The following ANAPC4 variants were observed in gnomAD, a reference collection of about 807,000 sequenced individuals.
ANAPC4 encodes anaphase promoting complex subunit 4.
In ANAPC4, 63 loss-of-function variants were observed where a neutral mutation model predicts 119.8. The ratio of observed to expected loss-of-function variants is 0.53; its 90% CI spans 0.43 to 0.65. ANAPC4 has a LOEUF of 0.65. Ranked by LOEUF, ANAPC4 falls within the 30% of genes least tolerant of loss-of-function variation. The pLI, the probability that ANAPC4 is intolerant of heterozygous loss-of-function variation, is 0.00. For missense variants in ANAPC4, 716 were observed against 945.1 expected (o/e 0.76, Z 3.18); for synonymous variants, 283 against 318.6 (o/e 0.89, Z 1.19).
At position 25,418,300 on chromosome 4, in the gene ANAPC4, A is replaced by G. The variant is rs767043531; in HGVS notation, c.2345A>G (p.Glu782Gly). 2.5e-6 allele frequency: 4 copies of G among 1,614,112 alleles called. No homozygotes were observed. The highest frequency in any genetic ancestry group is 1.7e-5 in the Admixed American group (1 of 60,016). The change falls in exon 29 of 29, where the codon GAG (glutamate) becomes GGG (glycine). Residue 782 changes from glutamate (E) to glycine (G), a missense_variant. Transcript: ENST00000315368. ...KEEVLSESEA[E>G]NQQAGAAALA... ...GAAGTGTTGTCGGAGTCAGAGGCAG[A>G]GAACCAACAAGCTGGTGCTGCCGCT...
intron 7 of ANAPC4, among the ~76,000 whole-genome samples, chr4:25,389,481 C>T (rs142723083): frequency 0.018 from 2,782 of 151,584 alleles, 93 homozygotes; most frequent in African/African-American, 0.064. Context: ...TTAGTAGAGA[C>T]GGGGTTTCAC....
At chr4:25,389,641 A>C (rs948827788) in intron 7 of ANAPC4, among the ~76,000 whole-genome samples, 1 of 152,164 alleles carries the variant, frequency 6.6e-6, no homozygotes, top group East Asian at 1.9e-4. Flanking sequence ...CTTAATATCT[A>C]TTATTGTTTT....
chr4:25,411,947 A>T (rs557623530), intron 21 of ANAPC4, among the ~76,000 whole-genome samples: 1 of 152,200 alleles, frequency 6.6e-6, no homozygotes, highest in Non-Finnish European at 1.5e-5. Context: ...ATAAGGATGC[A>T]GTCCCACAAG....
intron 11 of ANAPC4, among the ~76,000 whole-genome samples, 199 bp downstream of exon 11, chr4:25,394,090 G>T (rs1218996837): frequency 6.6e-6 from 1 of 152,214 alleles, no homozygotes; most frequent in African/African-American, 2.4e-5. Flanking sequence ...CTTAAGTGGG[G>T]ACAGGATTGT....
Position 25,380,449 on chromosome 4 carries a change from A to C in ANAPC4, c.205A>C (p.Thr69Pro), listed in dbSNP as rs200503614. 6.2e-7 allele frequency: 1 copy of C among 1,612,846 alleles called. No homozygotes were observed. Among genetic ancestry groups the C allele is most frequent in the Admixed American group, 1.7e-5 (1 of 59,882 alleles). ...PPNENTGKEV[T>P]CLAWRPDGKL... ...AAATGAAAATACAGGAAAGGAGGTG[A>C]CGTGTCTGGCATGGAGACCAGATGG... The change falls in exon 3 of 29, where the codon ACG becomes CCG. Residue 69 changes from threonine (T) to proline (P), a missense_variant. Thr to Pro is a conservative substitution (Grantham distance 38, BLOSUM62 -1). Transcript: ENST00000315368.
At chr4:25,403,439 A>G (rs1723086212) in intron 17 of ANAPC4, among the ~76,000 whole-genome samples, 1 of 152,198 alleles carries the variant, frequency 6.6e-6, no homozygotes, top group South Asian at 2.1e-4. Flanking sequence ...GCTCACTGAT[A>G]GTTCACATTT....
At chr4:25,414,756 A>G in intron 25 of ANAPC4, 56 bp downstream of exon 25, 2 of 1,389,324 alleles carry the variant, frequency 1.4e-6, no homozygotes, top group Non-Finnish European at 1.9e-6. Flanking sequence ...ATTTGTAAGA[A>G]TGAAGCATAC....
intron 3 of ANAPC4, 85 bp downstream of exon 3, chr4:25,380,564 T>C: frequency 3.1e-6 from 3 of 961,708 alleles, no homozygotes; most frequent in Non-Finnish European, 3.0e-6. Context: ...GATTTATTGT[T>C]CTTAGTATAC....
intron 3 of ANAPC4, among the ~76,000 whole-genome samples, chr4:25,381,919 T>G (rs1486774921): frequency 6.7e-6 from 1 of 149,860 alleles, no homozygotes. Context: ...TGCACTCCAG[T>G]GTGGGCTACA....
At position 25,397,951 on chromosome 4, in the gene ANAPC4, C is replaced by T. The variant is rs577573387; in HGVS notation, c.1214+1052C>T. On this transcript the variant is annotated intron_variant, in intron 16 of 28. Coordinates refer to ENST00000315368, the MANE Select transcript of ANAPC4 (RefSeq NM_013367.3). ...CTTTATTATTATTTATTTATTTTTG[C>T]GATGGGGTCTTTCTATGTTGCCCAG... is the stretch of plus-strand genomic sequence containing the variant. Among the ~76,000 whole-genome samples, 13 of 151,728 alleles carry T rather than the reference C, an allele frequency of 8.6e-5. No individual in the cohort carries two copies. The South Asian group carries it at 1.2e-3, about 15-fold the overall frequency.
chr4:25,378,173 TG>T (rs1345394210), intron 2 of ANAPC4, among the ~76,000 whole-genome samples: 17 of 152,236 alleles, frequency 1.1e-4, no homozygotes, highest in Non-Finnish European at 1.6e-4. Context: ...CAGCATTTCT[TG>T]TTCACATAAA....
intron 12 of ANAPC4, 125 bp downstream of exon 12, chr4:25,394,499 C>G: frequency 2.9e-6 from 3 of 1,020,094 alleles, no homozygotes; most frequent in Non-Finnish European, 4.2e-6. Context: ...TTAATTGATA[C>G]ATAATGTGTT....
chr4:25,407,394 T>C, intron 20 of ANAPC4, 141 bp downstream of exon 20: 1 of 578,550 alleles, frequency 1.7e-6, no homozygotes, highest in Non-Finnish European at 2.8e-6. Flanking sequence ...TTTTTAAACA[T>C]TTTGATCTGA....
chr4:25,388,917 A>G, intron 7 of ANAPC4, 35 bp downstream of exon 7: 1 of 1,503,286 alleles, frequency 6.7e-7, no homozygotes, highest in Non-Finnish European at 9.1e-7. Flanking sequence ...TAATTTCTTA[A>G]AGTTATTTCA....
chr4:25,389,320 G>T (rs2109117725), intron 7 of ANAPC4, among the ~76,000 whole-genome samples: 1 of 152,234 alleles, frequency 6.6e-6, no homozygotes, highest in Non-Finnish European at 1.5e-5. Context: ...CACCAGGCCT[G>T]TCTAATTTTT....
Position 25,409,800 on chromosome 4 carries a change from T to G in ANAPC4, c.1525+9T>G, listed in dbSNP as rs1307164859. On this transcript the variant is annotated intron_variant, in intron 21 of 28. Coordinates refer to ENST00000315368, the MANE Select transcript of ANAPC4 (RefSeq NM_013367.3). Reference sequence around the variant, plus strand: ...TAGCAGCCACCTTAAAGGTACTTCATGAACCAACCAGATTTTGGCCATTTT... The same window carrying G: ...TAGCAGCCACCTTAAAGGTACTTCAGGAACCAACCAGATTTTGGCCATTTT... 6.2e-7 allele frequency: 1 copy of G among 1,606,870 alleles called. No homozygotes were observed. The highest frequency in any genetic ancestry group is 8.5e-7 in the Non-Finnish European group (1 of 1,174,850).
rs1417955985 is a variant in ANAPC4 at position 25,413,683 on chromosome 4, T to C, written c.1564T>C (p.Leu522=). 1.2e-6 allele frequency: 2 copies of C among 1,613,512 alleles called. No homozygotes were observed. Among genetic ancestry groups the C allele is most frequent in the Non-Finnish European group, 1.7e-6 (2 of 1,179,754 alleles). ...LLFPYYPRKS[L]HFVKRRMENI... ...GTTTCCTTATTATCCTCGAAAATCATTGCATTTTGTGAAAAGGCGGATGGA... is the reference window on the plus strand; with the variant it reads ...GTTTCCTTATTATCCTCGAAAATCACTGCATTTTGTGAAAAGGCGGATGGA... The change falls in exon 22 of 29, where the codon TTG becomes CTG. Residue 522 remains leucine, a synonymous_variant. Coordinates refer to ENST00000315368, the MANE Select transcript of ANAPC4 (RefSeq NM_013367.3).
At position 25,407,223 on chromosome 4, in the gene ANAPC4, A is replaced by T. The variant is rs1723301655; in HGVS notation, c.1401A>T (p.Gly467=). The T allele has an allele frequency of 6.2e-7, 1 of 1,608,722 alleles. No individual in the cohort carries two copies. Among genetic ancestry groups the T allele is most frequent in the African/African-American group, 1.3e-5 (1 of 74,470 alleles). ...NEAPDLYNRK[G]KYFNVERVGQ... ...CTCCAGACCTTTATAATCGAAAAGG[A>T]AAATACTTTAACGTTGAAAGAGTTG... Residue 467 remains glycine, a synonymous_variant, in exon 20 of 29, where the codon GGA becomes GGT. Transcript: ENST00000315368.
intron 26 of ANAPC4, 152 bp downstream of exon 26, chr4:25,415,692 A>G: frequency 5.0e-6 from 3 of 603,316 alleles, no homozygotes; most frequent in Admixed American, 3.2e-5. Flanking sequence ...GTATTTATAC[A>G]TAGAGAATGA....
Sources: gnomAD v4.1 joint callset for allele counts (sites outside exome capture counted in the v4.1 genomes callset) on GRCh38, gnomAD v4.1.1 for gene constraint, MANE v1.5 for transcripts, NCBI Gene and HGNC (gene_info 2026-07-23, HGNC 2026-07-21) for gene names.